Variants in PRKAA2 observed in about 807,000 individuals in gnomAD.
PRKAA2 encodes 5'-AMP-activated protein kinase catalytic subunit alpha-2.
In PRKAA2, 40 loss-of-function variants were observed where a neutral mutation model predicts 56.3. The ratio of observed to expected loss-of-function variants is 0.71; its 90% CI spans 0.55 to 0.92. The LOEUF (loss-of-function observed/expected upper bound fraction) is 0.92, where lower values mean the gene tolerates loss of function less well. Ranked by LOEUF, PRKAA2 falls within the 40% of genes least tolerant of loss-of-function variation. The pLI is 0.00. For missense variants in PRKAA2, 542 were observed against 686.9 expected, an observed-to-expected ratio of 0.79 and a Z score of 2.36; for synonymous variants, 214 against 234.2, an observed-to-expected ratio of 0.91 and a Z score of 0.79.
intron 1 of PRKAA2, among the ~76,000 whole-genome samples, chr1:56,668,916 C>T (rs1557548341): frequency 2.0e-5 from 3 of 152,116 alleles, no homozygotes; most frequent in Non-Finnish European, 4.4e-5. Flanking sequence ...TATATAAAGA[C>T]AAATGTGTCA....
intron 2 of PRKAA2, among the ~76,000 whole-genome samples, chr1:56,680,020 A>C (rs1000110415): frequency 1.3e-5 from 2 of 152,200 alleles, no homozygotes; most frequent in African/African-American, 2.4e-5. Flanking sequence ...TTAACATGCA[A>C]AATGTGTGTT....
At chr1:56,647,569 C>G (rs574282474) in intron 1 of PRKAA2, among the ~76,000 whole-genome samples, 1 of 152,316 alleles carries the variant, frequency 6.6e-6, no homozygotes, top group East Asian at 1.9e-4. Flanking sequence ...TGGAGAACCT[C>G]TGTCCAATGA....
chr1:56,695,907 A>C, intron 5 of PRKAA2, 28 bp from the exon 6 acceptor site: 2 of 1,578,340 alleles, frequency 1.3e-6, no homozygotes, highest in Non-Finnish European at 1.7e-6. Flanking sequence ...CTTGCATTTC[A>C]GGTTTGTGTT....
chr1:56,698,609 T>A (rs943638091), intron 6 of PRKAA2, among the ~76,000 whole-genome samples: 3 of 152,224 alleles, frequency 2.0e-5, no homozygotes, highest in African/African-American at 4.8e-5. Context: ...CCATTTATAC[T>A]ATTCCAAATT....
At chr1:56,685,460 C>G (rs1051484963) in intron 2 of PRKAA2, among the ~76,000 whole-genome samples, 5 of 152,064 alleles carry the variant, frequency 3.3e-5, no homozygotes, top group African/African-American at 1.2e-4. Flanking sequence ...GATCAGAATT[C>G]ATTCATTACT....
chr1:56,669,295 T>G (rs1202399604), intron 1 of PRKAA2, among the ~76,000 whole-genome samples: 2 of 151,972 alleles, frequency 1.3e-5, no homozygotes, highest in Admixed American at 6.6e-5. Context: ...CCTGTCTCTA[T>G]TAAAAATACA....
chr1:56,686,017 A>G (rs1033682361), intron 2 of PRKAA2, among the ~76,000 whole-genome samples: 1 of 152,202 alleles, frequency 6.6e-6, no homozygotes, highest in Non-Finnish European at 1.5e-5. Flanking sequence ...ATTTATTTAC[A>G]AAGGAAGTGA....
Position 56,692,346 on chromosome 1 carries a change from T to C in PRKAA2, c.331-12T>C. The C allele has an allele frequency of 6.2e-7, 1 of 1,613,780 alleles. No homozygotes were observed. The highest frequency in any genetic ancestry group is 8.5e-7 in the Non-Finnish European group (1 of 1,179,864). On this transcript the variant is annotated splice_polypyrimidine_tract_variant and intron_variant, in intron 3 of 8. Transcript: ENST00000371244. ...CAGATATTCTTAATGCAGTTTCTTT[T>C]GTGCTTGATAGGTTGAAGAGATGGA...
chr1:56,696,264 C>T (rs1031890373), intron 6 of PRKAA2, 105 bp downstream of exon 6: 1 of 1,003,770 alleles, frequency 1.0e-6, no homozygotes, highest in Non-Finnish European at 1.5e-6. Flanking sequence ...CCACCTCACC[C>T]CAGTACTCAT....
At chr1:56,675,500 C>G (rs1030977307) in intron 2 of PRKAA2, among the ~76,000 whole-genome samples, 2 of 152,122 alleles carry the variant, frequency 1.3e-5, no homozygotes, top group African/African-American at 2.4e-5. Flanking sequence ...GGCCACACAG[C>G]TAGTAAGTCA....
chr1:56,675,078 G>A (rs949369928), intron 2 of PRKAA2, among the ~76,000 whole-genome samples: 1 of 151,958 alleles, frequency 6.6e-6, no homozygotes, highest in East Asian at 1.9e-4. Context: ...TAAAAGTTAG[G>A]TAAATATTGA....
At chr1:56,646,750 G>A (rs1180171590) in intron 1 of PRKAA2, among the ~76,000 whole-genome samples, 1 of 152,154 alleles carries the variant, frequency 6.6e-6, no homozygotes, top group African/African-American at 2.4e-5. Flanking sequence ...AGTCAAGGCT[G>A]TTGAATGAGT....
intron 1 of PRKAA2, among the ~76,000 whole-genome samples, chr1:56,653,636 T>C (rs959877216): frequency 1.3e-5 from 2 of 152,154 alleles, no homozygotes; most frequent in African/African-American, 4.8e-5. Context: ...TGTACTTTTG[T>C]GTATGTAGAC....
intron 2 of PRKAA2, among the ~76,000 whole-genome samples, chr1:56,677,524 T>C (rs1257452483): frequency 6.6e-6 from 1 of 152,210 alleles, no homozygotes; most frequent in Non-Finnish European, 1.5e-5. Context: ...TGAAAGACTT[T>C]GAGGAAATTT....
In PRKAA2 at chr1:56,648,070, G is replaced by C. The variant is rs370059700; in HGVS notation, c.94+2589G>C. On this transcript the variant is annotated intron_variant, in intron 1 of 8. Coordinates refer to ENST00000371244, the MANE Select transcript of PRKAA2 (RefSeq NM_006252.4). ...AAAGAAAAGAAAACAACTTATTTAG[G>C]TATATTTTATATATGAAATTCATCC... is the stretch of plus-strand genomic sequence containing the variant. Among the ~76,000 whole-genome samples the C allele has an allele frequency of 1.8e-4, 27 of 151,732 alleles. No homozygotes were observed. In the East Asian group the frequency reaches 4.8e-3, roughly 27 times the overall value.
chr1:56,715,128 T>C lies in PRKAA2; in HGVS notation c.*7415T>C, dbSNP rs1644397234. The C allele has an allele frequency of 6.6e-6, 1 of 152,212 alleles. No individual in the cohort carries two copies. The highest frequency in any genetic ancestry group is 2.4e-5 in the African/African-American group (1 of 41,460). The allele number at this position is 152,212 out of a possible 1,614,324, so 9.4% of individuals were successfully genotyped here. A position where few individuals can be genotyped will look rare whatever the true frequency, so the allele number is the denominator to read the frequency against. ...TACTTTTTGTGAGTGTTAAATGATATGGGAAGGATTTGTCTTTCATTAACC... is the reference window on the plus strand; with the variant it reads ...TACTTTTTGTGAGTGTTAAATGATACGGGAAGGATTTGTCTTTCATTAACC... On this transcript the variant is annotated 3_prime_UTR_variant, in exon 9 of 9. Coordinates refer to ENST00000371244, the MANE Select transcript of PRKAA2 (RefSeq NM_006252.4).
intron 2 of PRKAA2, among the ~76,000 whole-genome samples, chr1:56,676,346 A>G (rs1212844929): frequency 1.3e-5 from 2 of 152,208 alleles, no homozygotes; most frequent in African/African-American, 4.8e-5. Flanking sequence ...AGGTCTGAAC[A>G]TAGAAACAAC....
At chr1:56,683,086 T>G in intron 2 of PRKAA2, among the ~76,000 whole-genome samples, 1 of 145,086 alleles carries the variant, frequency 6.9e-6, no homozygotes, top group Non-Finnish European at 1.5e-5. Flanking sequence ...TTTTTTTTTT[T>G]TTTTTTTTTT....
chr1:56,710,055 C>T lies in PRKAA2; in HGVS notation c.*2342C>T, dbSNP rs1481477194. 1.3e-5 allele frequency: 2 copies of T among 151,956 alleles called. No individual in the cohort carries two copies. The highest frequency in any genetic ancestry group is 2.9e-5 in the Non-Finnish European group (2 of 67,962). 9.4% of individuals were successfully genotyped at this position (151,956 alleles called of 1,614,324 possible). A position where few individuals can be genotyped will look rare whatever the true frequency, so the allele number is the denominator to read the frequency against. On this transcript the variant is annotated 3_prime_UTR_variant, in exon 9 of 9. Coordinates refer to ENST00000371244, the MANE Select transcript of PRKAA2 (RefSeq NM_006252.4). ...AGAGCTGGAACATTGTTACAGCAGG[C>T]TTTTTGTTGCTCATGGGCAGATAGA...
Sources: allele counts gnomAD v4.1 joint callset (sites outside exome capture counted in the v4.1 genomes callset), GRCh38; gene constraint gnomAD v4.1.1; transcripts MANE v1.5; gene names NCBI Gene and HGNC (gene_info 2026-07-23, HGNC 2026-07-21).